Variants in CNTN4 observed in about 807,000 individuals in gnomAD.
CNTN4 encodes contactin 4, also known as contactin-4.
A neutral mutation model predicts 122.5 loss-of-function variants in CNTN4; 77 were observed. The observed-to-expected ratio is 0.63, with a 90% confidence interval of 0.52 to 0.76. The LOEUF is 0.76. Ranked by LOEUF, CNTN4 falls within the 30% of genes least tolerant of loss-of-function variation. CNTN4 has a pLI of 0.00. For missense variants in CNTN4, 1,256 were observed against 1,259.1 expected (o/e 1.00, Z 0.04); for synonymous variants, 512 against 447.0 (o/e 1.15, Z -1.83).
At chr3:3,050,763 CAAA>C (rs1184756504) in intron 23 of CNTN4, among the ~76,000 whole-genome samples, 19 of 84,996 alleles carry the variant, frequency 2.2e-4, no homozygotes, top group Admixed American at 2.7e-4. Flanking sequence ...AACTCCGTCT[CAAA>C]AAAAAAAAAA....
At chr3:2,195,797 G>T (rs368063647) in intron 2 of CNTN4, among the ~76,000 whole-genome samples, 1 of 152,114 alleles carries the variant, frequency 6.6e-6, no homozygotes, top group Non-Finnish European at 1.5e-5. Context: ...AAAATATTCC[G>T]TGACACTTAG....
intron 2 of CNTN4, among the ~76,000 whole-genome samples, chr3:2,322,610 T>C (rs1312624548): frequency 6.6e-6 from 1 of 152,112 alleles, no homozygotes; most frequent in Non-Finnish European, 1.5e-5. Context: ...ATAATGGCAA[T>C]GGTGACACAA....
rs5846238 is a variant in CNTN4, at chr3:3,014,879, G to GTTTTTTTTTTTTTTT, written c.1487-11219_1487-11205dup. 4.9e-5 allele frequency among the ~76,000 whole-genome samples: 6 copies of GTTTTTTTTTTTTTTT among 121,544 alleles called. 1 individual carries two copies. The highest frequency in any genetic ancestry group is 5.0e-5 in the Non-Finnish European group (3 of 60,008). 79.7% of individuals were successfully genotyped at this position (121,544 alleles called of 152,430 possible). ...TTTATACTTGCGTGACCCTCGATTG[G>GTTTTTTTTTTTTTTT]TTTTTTTTTTTTTTTTTTCTCTTTG... On this transcript the variant is annotated intron_variant, in intron 14 of 24. Transcript: ENST00000418658.
At position 2,182,959 on chromosome 3, in the gene CNTN4, A is replaced by G. The variant is rs533942566; in HGVS notation, c.-145+82320A>G. 1.6e-3 allele frequency among the ~76,000 whole-genome samples: 247 copies of G among 152,258 alleles called. 1 individual carries two copies. The highest frequency in any genetic ancestry group is 5.8e-3 in the African/African-American group (241 of 41,574). ...TCTTCACAAATACTGAAAATCAACT[A>G]TAAAAATGCTGGATGAAAAGAACTA... On this transcript the variant is annotated intron_variant, in intron 2 of 24. Coordinates refer to ENST00000418658, the MANE Select transcript of CNTN4 (RefSeq NM_175607.3).
chr3:2,819,356 G>C (rs1576922512), intron 6 of CNTN4, 130 bp from the exon 7 acceptor site: 1 of 720,188 alleles, frequency 1.4e-6, no homozygotes, highest in East Asian at 2.7e-5. Context: ...AAGCTCTCCT[G>C]AATTCCCCCG....
Position 2,760,093 on chromosome 3 carries a change from A to G in CNTN4, c.358+14396A>G, listed in dbSNP as rs1047152780. 2.0e-5 allele frequency among the ~76,000 whole-genome samples: 3 copies of G among 152,310 alleles called. No individual in the cohort carries two copies. The East Asian group carries it at 5.8e-4, about 29-fold the overall frequency. The stretch of plus-strand genomic sequence containing the variant: ...TCCTCATACAAGCGCCTTGTCAAAT[A>G]TACGATTTGTAAATATTTTCTCTAT... On this transcript the variant is annotated intron_variant, in intron 6 of 24. Coordinates refer to ENST00000418658, the MANE Select transcript of CNTN4 (RefSeq NM_175607.3).
chr3:2,455,760 A>G (rs1366754554), intron 3 of CNTN4, among the ~76,000 whole-genome samples: 1 of 152,054 alleles, frequency 6.6e-6, no homozygotes, highest in Admixed American at 6.6e-5. Flanking sequence ...GAGCAGAGAT[A>G]ACATTATTGT....
chr3:2,187,096 A>AT (rs2037306616), intron 2 of CNTN4, among the ~76,000 whole-genome samples: 1 of 152,122 alleles, frequency 6.6e-6, no homozygotes. Flanking sequence ...TCTTGAATAA[A>AT]TTTTTGTATA....
intron 10 of CNTN4, among the ~76,000 whole-genome samples, chr3:2,895,757 G>A (rs1024560361): frequency 6.6e-6 from 1 of 152,218 alleles, no homozygotes; most frequent in African/African-American, 2.4e-5. Flanking sequence ...AGGAGGGGCT[G>A]GGCGCAGTGG....
At chr3:2,616,996 G>C (rs369348714) in intron 4 of CNTN4, among the ~76,000 whole-genome samples, 2 of 151,960 alleles carry the variant, frequency 1.3e-5, no homozygotes, top group Non-Finnish European at 2.9e-5. Flanking sequence ...TAACTCAAGC[G>C]GGATTAAAGG....
intron 3 of CNTN4, among the ~76,000 whole-genome samples, chr3:2,439,272 C>T (rs939105738): frequency 6.6e-6 from 1 of 152,186 alleles, no homozygotes; most frequent in African/African-American, 2.4e-5. Context: ...TCACCCCAGA[C>T]CTACTGAACT....
chr3:2,418,929 A>G (rs1052196486), intron 3 of CNTN4, among the ~76,000 whole-genome samples: 1 of 152,180 alleles, frequency 6.6e-6, no homozygotes, highest in Non-Finnish European at 1.5e-5. Context: ...CGTAGGATGA[A>G]AAAAGCTTTG....
chr3:2,591,631 TGGG>T (rs1261747042), intron 4 of CNTN4, among the ~76,000 whole-genome samples: 20 of 150,642 alleles, frequency 1.3e-4, no homozygotes, highest in South Asian at 2.1e-4. Flanking sequence ...CCCAAAGTGC[TGGG>T]ATTACAGGCG....
chr3:2,283,800 G>C (rs921204911), intron 2 of CNTN4, among the ~76,000 whole-genome samples: 2 of 151,992 alleles, frequency 1.3e-5, no homozygotes, highest in East Asian at 3.9e-4. Context: ...TTTTGGTTTG[G>C]TATGTAAGGT....
At chr3:2,120,413 T>A (rs865907522) in intron 2 of CNTN4, among the ~76,000 whole-genome samples, 1,047 of 93,080 alleles carry the variant, frequency 0.011, 10 homozygotes, top group East Asian at 0.045. Context: ...ATATTTTTTT[T>A]TTTTTTTTTA....
Position 3,025,060 on chromosome 3 carries a change from A to G in CNTN4, c.1487-1042A>G, listed in dbSNP as rs547565241. Among the ~76,000 whole-genome samples the G allele has an allele frequency of 5.3e-5, 8 of 152,316 alleles. No homozygotes were observed. In the East Asian group the frequency reaches 1.5e-3, roughly 29 times the overall value. On this transcript the variant is annotated intron_variant, in intron 14 of 24. Coordinates refer to ENST00000418658, the MANE Select transcript of CNTN4 (RefSeq NM_175607.3). The stretch of plus-strand genomic sequence containing the variant: ...TCAGAATTTTATTCTTTAGGCATGT[A>G]TGCGGCCTTTACATTGAATTCAAAC...
chr3:2,705,158 G>C (rs1180754172), intron 4 of CNTN4, among the ~76,000 whole-genome samples: 3 of 151,268 alleles, frequency 2.0e-5, no homozygotes, highest in Non-Finnish European at 4.4e-5. Context: ...CACGAGGTCA[G>C]GAGATCGAGA....
intron 6 of CNTN4, among the ~76,000 whole-genome samples, chr3:2,814,499 C>T (rs1455814103): frequency 2.6e-5 from 4 of 152,120 alleles, no homozygotes; most frequent in African/African-American, 9.7e-5. Flanking sequence ...ATGTTGAGTG[C>T]CCAACCACAA....
intron 3 of CNTN4, among the ~76,000 whole-genome samples, chr3:2,372,516 T>C (rs2045669974): frequency 1.3e-5 from 2 of 152,210 alleles, no homozygotes; most frequent in African/African-American, 2.4e-5. Context: ...GGGACATAGT[T>C]GAAATTTGAC....
Sources: allele counts gnomAD v4.1 joint callset (sites outside exome capture counted in the v4.1 genomes callset), GRCh38; gene constraint gnomAD v4.1.1; transcripts MANE v1.5; gene names NCBI Gene and HGNC (gene_info 2026-07-23, HGNC 2026-07-21).